The following SP4 variants were observed in gnomAD, a reference collection of about 807,000 sequenced individuals.
SP4 encodes the protein Sp4 transcription factor.
A neutral mutation model predicts 72.8 loss-of-function variants in SP4; 19 were observed. The observed-to-expected ratio is 0.26, with a 90% CI of 0.18 to 0.38. SP4 has a LOEUF of 0.38. SP4 is among the 10% of genes least tolerant of loss of function. The pLI, the probability that SP4 is intolerant of heterozygous loss-of-function variation, is 1.00. For synonymous variants in SP4, 395 were observed against 333.1 expected, an observed-to-expected ratio of 1.19 and a Z score of -2.02; for missense variants, 1,008 against 926.3, an observed-to-expected ratio of 1.09 and a Z score of -1.14.
At chr7:21,501,668 G>A (rs551588708) in intron 5 of SP4, among the ~76,000 whole-genome samples, 1 of 152,284 alleles carries the variant, frequency 6.6e-6, no homozygotes, top group South Asian at 2.1e-4. Flanking sequence ...ACCCATAAAT[G>A]GGTCATCAAT....
At position 21,507,947 on chromosome 7, in the gene SP4, TCA is replaced by T. The variant is rs528657584; in HGVS notation, c.2108-3067_2108-3066del. 3.0e-4 allele frequency among the ~76,000 whole-genome samples: 46 copies of T among 152,206 alleles called. 2 individuals are homozygous for T. The South Asian group carries it at 9.4e-3, about 31-fold the overall frequency. On this transcript the variant is annotated intron_variant, in intron 5 of 5. Coordinates refer to ENST00000222584, the MANE Select transcript of SP4 (RefSeq NM_003112.5). ...GCTTCATATCTAGGGTACATCTCAG[TCA>T]CACACACTCAACCTCTGAAAATGCC... is the stretch of plus-strand genomic sequence containing the variant.
chr7:21,429,481 G>T lies in SP4; in HGVS notation c.316G>T (p.Ala106Ser). 6.2e-7 allele frequency: 1 copy of T among 1,614,192 alleles called. No homozygotes were observed. Among genetic ancestry groups the T allele is most frequent in the East Asian group, 2.2e-5 (1 of 44,888 alleles). Residue 106 changes from alanine to serine, a missense_variant, in exon 3 of 6, where the codon GCC becomes TCC. Coordinates refer to ENST00000222584, the MANE Select transcript of SP4 (RefSeq NM_003112.5). Reference sequence around the variant, plus strand: ...TGCTGGAAACGCTTGGCAACTTGTTGCCTCCACTCCTCCTGCTTCAAAAGA... The same window carrying T: ...TGCTGGAAACGCTTGGCAACTTGTTTCCTCCACTCCTCCTGCTTCAAAAGA... ...QLAGNAWQLV[A>S]STPPASKENN... is the part of the protein sequence containing the mutation.
chr7:21,450,913 G>A (rs1359678074), intron 3 of SP4, among the ~76,000 whole-genome samples: 2 of 152,180 alleles, frequency 1.3e-5, no homozygotes, highest in African/African-American at 4.8e-5. Flanking sequence ...TTTAGGGCAG[G>A]AATGAAAGGA....
intron 3 of SP4, among the ~76,000 whole-genome samples, chr7:21,433,839 C>T (rs1441686326): frequency 6.6e-6 from 1 of 151,988 alleles, no homozygotes; most frequent in East Asian, 1.9e-4. Context: ...ACTCAGGAGG[C>T]TGAGGCAGGA....
At chr7:21,489,684 C>T (rs28516066) in intron 5 of SP4, among the ~76,000 whole-genome samples, 4 of 150,548 alleles carry the variant, frequency 2.7e-5, no homozygotes, top group Non-Finnish European at 4.4e-5. Flanking sequence ...CTCAGCCTCC[C>T]GAGTAGCTGG....
intron 3 of SP4, among the ~76,000 whole-genome samples, chr7:21,440,179 C>G (rs1316180947): frequency 6.6e-6 from 1 of 152,096 alleles, no homozygotes; most frequent in Non-Finnish European, 1.5e-5. Context: ...ATTAGTTGTA[C>G]CACTCTGGGC....
In SP4 at chr7:21,453,974, T is replaced by G. The variant is rs192932581; in HGVS notation, c.1679-23105T>G. Among the ~76,000 whole-genome samples the G allele has an allele frequency of 3.3e-3, 494 of 149,996 alleles. 5 individuals are homozygous for G. Among genetic ancestry groups the G allele is most frequent in the East Asian group, 0.028 (147 of 5,184 alleles). On this transcript the variant is annotated intron_variant, in intron 3 of 5. Coordinates refer to ENST00000222584, the MANE Select transcript of SP4 (RefSeq NM_003112.5). The stretch of plus-strand genomic sequence containing the variant: ...CCAAAAAAATCTATATTCCCATGCC[T>G]TCTTATGATATTTTACCAAAAGTAC...
intron 5 of SP4, among the ~76,000 whole-genome samples, chr7:21,483,606 A>G (rs1784743719): frequency 6.6e-6 from 1 of 151,824 alleles, no homozygotes; most frequent in Non-Finnish European, 1.5e-5. Context: ...TAAACAGCCC[A>G]TTCTGTCTCT....
At chr7:21,449,273 G>A (rs993664701) in intron 3 of SP4, among the ~76,000 whole-genome samples, 1 of 152,208 alleles carries the variant, frequency 6.6e-6, no homozygotes, top group Non-Finnish European at 1.5e-5. Context: ...TTCTACTCCT[G>A]CTTTTGTCTC....
chr7:21,492,767 A>T (rs1270581413), intron 5 of SP4, among the ~76,000 whole-genome samples: 1 of 152,230 alleles, frequency 6.6e-6, no homozygotes, highest in East Asian at 1.9e-4. Flanking sequence ...CCAGCTGTAT[A>T]CTCTGGATAA....
intron 3 of SP4, among the ~76,000 whole-genome samples, chr7:21,451,599 G>A (rs1003932003): frequency 1.3e-5 from 2 of 152,110 alleles, no homozygotes; most frequent in African/African-American, 4.8e-5. Flanking sequence ...GATGAAAGCT[G>A]AATTCAGCCA....
intron 5 of SP4, among the ~76,000 whole-genome samples, chr7:21,484,539 A>G (rs1249476761): frequency 6.6e-6 from 1 of 151,954 alleles, no homozygotes; most frequent in Admixed American, 6.6e-5. Context: ...TAATTTTAAA[A>G]AAGATAATTT....
intron 5 of SP4, among the ~76,000 whole-genome samples, chr7:21,491,752 C>G (rs978464369): frequency 2.0e-5 from 3 of 152,178 alleles, no homozygotes; most frequent in African/African-American, 2.4e-5. Flanking sequence ...CAACTATCAA[C>G]TCACCATTTT....
At position 21,511,226 on chromosome 7, in the gene SP4, A is replaced by G; in HGVS notation, c.2312A>G (p.Asn771Ser). The G allele has an allele frequency of 1.2e-6, 2 of 1,614,188 alleles. No individual in the cohort carries two copies. Among genetic ancestry groups the G allele is most frequent in the Non-Finnish European group, 1.7e-6 (2 of 1,180,014 alleles). Residue 771 changes from asparagine (N) to serine (S), a missense_variant, in exon 6 of 6, where the codon AAT (asparagine) becomes AGT (serine). By Grantham distance (46) the Asn-to-Ser change is conservative. This residue lies in a region of SP4 where 67 missense variants were observed against 66.1 expected (regional missense o/e 1.01). Coordinates refer to ENST00000222584, the MANE Select transcript of SP4 (RefSeq NM_003112.5). ...VTVAAISQDS[N>S]PATPNVSTNM... ...GTTGCAGCCATTTCTCAAGATTCGA[A>G]TCCAGCAACTCCCAATGTTTCAACC...
chr7:21,487,389 A>T (rs1784847266), intron 5 of SP4, among the ~76,000 whole-genome samples: 2 of 144,688 alleles, frequency 1.4e-5, no homozygotes, highest in Non-Finnish European at 3.0e-5. Context: ...CTCTTAGTAG[A>T]CATATTTTGG....
At chr7:21,450,156 G>C (rs1055370862) in intron 3 of SP4, among the ~76,000 whole-genome samples, 1 of 151,912 alleles carries the variant, frequency 6.6e-6, no homozygotes, top group African/African-American at 2.4e-5. Context: ...TGTAAGCTTG[G>C]AAACTTGCAG....
chr7:21,464,377 T>G (rs1484615956), intron 3 of SP4, among the ~76,000 whole-genome samples: 1 of 152,160 alleles, frequency 6.6e-6, no homozygotes, highest in African/African-American at 2.4e-5. Context: ...ATTACAGGCG[T>G]GAGCCACTGC....
At chr7:21,442,048 T>C (rs1394810985) in intron 3 of SP4, among the ~76,000 whole-genome samples, 1 of 149,204 alleles carries the variant, frequency 6.7e-6, no homozygotes, top group South Asian at 2.1e-4. Context: ...ATTTTTTTTT[T>C]TTTTTTTTGA....
chr7:21,463,779 C>T (rs1050923104), intron 3 of SP4, among the ~76,000 whole-genome samples: 11 of 152,176 alleles, frequency 7.2e-5, no homozygotes, highest in Admixed American at 2.0e-4. Context: ...AAACCTGCTT[C>T]CTCTCCGGGG....
Sources: gnomAD v4.1 joint callset for allele counts (sites outside exome capture counted in the v4.1 genomes callset) on GRCh38, gnomAD v4.1.1 for gene constraint, gnomAD v4.1.1 regional missense constraint, MANE v1.5 for transcripts, NCBI Gene and HGNC (gene_info 2026-07-23, HGNC 2026-07-21) for gene names.